CHP1: variants seen among roughly 807,000 people sequenced by gnomAD.
CHP1 encodes the protein calcineurin B homologous protein 1.
A neutral mutation model predicts 27.4 loss-of-function variants in CHP1; 11 were observed. The ratio of observed to expected loss-of-function variants is 0.40; its 90% CI spans 0.25 to 0.67. CHP1 has a LOEUF of 0.67. CHP1 is among the 30% of genes least tolerant of loss of function. The pLI is 0.38. For synonymous variants in CHP1, 89 were observed against 87.4 expected (o/e 1.02, Z -0.10); for missense variants, 169 against 251.3 (o/e 0.67, Z 2.22).
At chr15:41,260,435 C>G (rs2047427025) in intron 3 of CHP1, among the ~76,000 whole-genome samples, 1 of 150,368 alleles carries the variant, frequency 6.7e-6, no homozygotes, top group African/African-American at 2.4e-5. Context: ...CCCTCTGTCA[C>G]CCAGGCTGGA....
chr15:41,263,669 G>GT (rs1431598668), intron 4 of CHP1, among the ~76,000 whole-genome samples: 1 of 152,204 alleles, frequency 6.6e-6, no homozygotes, highest in East Asian at 1.9e-4. Flanking sequence ...GAGCCCAGGA[G>GT]TTTGAGACCA....
intron 1 of CHP1, among the ~76,000 whole-genome samples, chr15:41,238,870 C>G (rs192916095): frequency 6.6e-6 from 1 of 151,870 alleles, no homozygotes; most frequent in South Asian, 2.1e-4. Flanking sequence ...AAAAAAGACA[C>G]GTTTATATGC....
chr15:41,243,814 C>G (rs944652987), intron 2 of CHP1, 75 bp downstream of exon 2: 68 of 1,284,074 alleles, frequency 5.3e-5, no homozygotes, highest in Non-Finnish European at 7.1e-5. Flanking sequence ...CTGCCTTTAT[C>G]CCTAGGGTAG....
intron 3 of CHP1, among the ~76,000 whole-genome samples, chr15:41,260,800 T>C (rs1031105519): frequency 1.3e-5 from 2 of 152,112 alleles, no homozygotes; most frequent in African/African-American, 2.4e-5. Flanking sequence ...GTATTTATAT[T>C]GATTGGAGAA....
At chr15:41,252,140 C>A (rs2047371908) in intron 2 of CHP1, among the ~76,000 whole-genome samples, 1 of 151,622 alleles carries the variant, frequency 6.6e-6, no homozygotes, top group Non-Finnish European at 1.5e-5. Flanking sequence ...ATATGCTTAA[C>A]CTCTCATACT....
At chr15:41,253,968 A>T (rs76604441) in intron 2 of CHP1, among the ~76,000 whole-genome samples, 2,534 of 147,042 alleles carry the variant, frequency 0.017, 53 homozygotes, top group African/African-American at 0.044. Flanking sequence ...TTTTTTTTTT[A>T]AACTTTTTAG....
chr15:41,256,880 C>G, intron 2 of CHP1, 30 bp from the exon 3 acceptor site: 2 of 1,598,198 alleles, frequency 1.3e-6, no homozygotes, highest in Non-Finnish European at 1.7e-6. Context: ...GCAATGATCT[C>G]TATCTAACTC....
At chr15:41,277,382 G>C (rs531884645) in intron 5 of CHP1, among the ~76,000 whole-genome samples, 2 of 152,166 alleles carry the variant, frequency 1.3e-5, no homozygotes, top group Non-Finnish European at 2.9e-5. Context: ...GGTGGCTCAC[G>C]CCTATAATCT....
chr15:41,262,163 AAAAT>A (rs1226112909), intron 3 of CHP1, among the ~76,000 whole-genome samples: 3 of 152,088 alleles, frequency 2.0e-5, no homozygotes, highest in Non-Finnish European at 4.4e-5. Flanking sequence ...ACTCTGTCTC[AAAAT>A]AAATAAATAA....
intron 3 of CHP1, among the ~76,000 whole-genome samples, chr15:41,261,544 AATTT>A (rs1052381796): frequency 2.4e-4 from 36 of 151,980 alleles, no homozygotes; most frequent in Admixed American, 2.0e-4. Context: ...CACATTTTCA[AATTT>A]ATGTTTGCTT....
chr15:41,244,923 A>G (rs752220812), intron 2 of CHP1, among the ~76,000 whole-genome samples: 1 of 152,034 alleles, frequency 6.6e-6, no homozygotes, highest in Non-Finnish European at 1.5e-5. Context: ...GCAGCTTAGG[A>G]CTTCTTTAGA....
At position 41,278,804 on chromosome 15, in the gene CHP1, AGCAGCTGG is replaced by A; in HGVS notation, c.455_462del (p.Leu152HisfsTer10). ...ATGGTCGGAGTAAATATCTCAGATG[AGCAGCTGG>A]GCAGCATCGCAGACAGGACCATTCA... On this transcript the variant is annotated frameshift_variant, in exon 6 of 7. Transcript: ENST00000334660. LOFTEE classifies it high-confidence loss of function. 6.2e-7 allele frequency: 1 copy of A among 1,614,128 alleles called. No homozygotes were observed. Among genetic ancestry groups the A allele is most frequent in the Non-Finnish European group, 8.5e-7 (1 of 1,180,018 alleles).
At chr15:41,262,439 C>T (rs920643577) in intron 3 of CHP1, among the ~76,000 whole-genome samples, 4 of 152,064 alleles carry the variant, frequency 2.6e-5, no homozygotes, top group Non-Finnish European at 5.9e-5. Flanking sequence ...TTGTATAGTG[C>T]TGGCACTACT....
At chr15:41,266,941 A>G (rs1202117871) in intron 4 of CHP1, among the ~76,000 whole-genome samples, 1 of 152,078 alleles carries the variant, frequency 6.6e-6, no homozygotes, top group Non-Finnish European at 1.5e-5. Context: ...CGGAGGTTGC[A>G]GTGAGCTGAG....
intron 1 of CHP1, among the ~76,000 whole-genome samples, chr15:41,240,087 C>T (rs2047298564): frequency 6.6e-6 from 1 of 152,038 alleles, no homozygotes; most frequent in Non-Finnish European, 1.5e-5. Context: ...CACGCCCAGC[C>T]TCAGTGCCCA....
chr15:41,254,322 G>A (rs542320190), intron 2 of CHP1, among the ~76,000 whole-genome samples: 5 of 152,274 alleles, frequency 3.3e-5, no homozygotes, highest in Non-Finnish European at 7.4e-5. Context: ...CTCAGCTAAA[G>A]TTTCTTAAGC....
chr15:41,277,220 A>T (rs1272555756), intron 5 of CHP1, among the ~76,000 whole-genome samples: 1 of 152,214 alleles, frequency 6.6e-6, no homozygotes, highest in Non-Finnish European at 1.5e-5. Flanking sequence ...ATGAACCTAG[A>T]TGGTATAGCC....
At chr15:41,234,305 A>G (rs1310550870) in intron 1 of CHP1, 1 of 152,074 alleles carries the variant, frequency 6.6e-6, no homozygotes, top group Non-Finnish European at 1.5e-5. Context: ...AAAGATTTTG[A>G]AGAATAAAAA....
intron 1 of CHP1, among the ~76,000 whole-genome samples, chr15:41,243,161 G>A (rs2047315767): frequency 6.6e-6 from 1 of 151,706 alleles, no homozygotes. Flanking sequence ...CCAACATGGC[G>A]AAACCCCGTC....
Sources: allele counts gnomAD v4.1 joint callset (sites outside exome capture counted in the v4.1 genomes callset), GRCh38; gene constraint gnomAD v4.1.1; transcripts MANE v1.5; gene names NCBI Gene and HGNC (gene_info 2026-07-23, HGNC 2026-07-21).